The following CFAP77 variants were observed in gnomAD, a reference collection of about 807,000 sequenced individuals.
CFAP77 encodes cilia and flagella associated protein 77, also known as cilia- and flagella-associated protein 77.
A neutral mutation model predicts 31.1 loss-of-function variants in CFAP77; 25 were observed. That is an observed-to-expected ratio of 0.80 (90% CI 0.59 to 1.12). CFAP77 has a LOEUF of 1.12. CFAP77 is among the 50% of genes most tolerant of loss of function. The probability of loss-of-function intolerance (pLI) is 0.00; values close to 1 mark genes in which losing one functional copy is unlikely to be tolerated. For missense variants in CFAP77, 377 were observed against 397.3 expected, an observed-to-expected ratio of 0.95 and a Z score of 0.44; for synonymous variants, 151 against 159.9, an observed-to-expected ratio of 0.94 and a Z score of 0.42.
At chr9:132,413,026 G>A (rs1347751785) in intron 1 of CFAP77, among the ~76,000 whole-genome samples, 1 of 152,030 alleles carries the variant, frequency 6.6e-6, no homozygotes, top group African/African-American at 2.4e-5. Context: ...AGTATATTTT[G>A]GTTTTGTCTA....
intron 1 of CFAP77, among the ~76,000 whole-genome samples, chr9:132,435,520 TC>T (rs147849096): frequency 0.014 from 2,198 of 152,290 alleles, 55 homozygotes; most frequent in African/African-American, 0.051. Flanking sequence ...AGTGAAGGAA[TC>T]TGAATGCTTT....
chr9:132,417,124 T>TC (rs1259595826), intron 1 of CFAP77, among the ~76,000 whole-genome samples: 2 of 151,356 alleles, frequency 1.3e-5, no homozygotes, highest in African/African-American at 4.9e-5. Flanking sequence ...TTTTCTTTTT[T>TC]TTTTTTTTGA....
chr9:132,540,084 C>G (rs1852614321), intron 4 of CFAP77, among the ~76,000 whole-genome samples: 1 of 152,122 alleles, frequency 6.6e-6, no homozygotes, highest in Non-Finnish European at 1.5e-5. Context: ...GCGCCTGCCA[C>G]CAGGCCCAGC....
chr9:132,415,085 ACC>A (rs144264829), intron 1 of CFAP77, among the ~76,000 whole-genome samples: 3,674 of 152,226 alleles, frequency 0.024, 143 homozygotes, highest in African/African-American at 0.084. Flanking sequence ...AAGAGAATAT[ACC>A]CCTGATTGCT....
intron 5 of CFAP77, among the ~76,000 whole-genome samples, chr9:132,567,918 G>A (rs1287193232): frequency 6.6e-6 from 1 of 152,124 alleles, no homozygotes; most frequent in East Asian, 1.9e-4. Context: ...AATAATCTAG[G>A]ATGATTTCAT....
chr9:132,489,660 C>G (rs963292392), intron 1 of CFAP77, among the ~76,000 whole-genome samples: 1 of 152,076 alleles, frequency 6.6e-6, no homozygotes, highest in African/African-American at 2.4e-5. Context: ...CTAAGGGATC[C>G]CTGTGCAGGG....
chr9:132,503,969 G>A (rs1021160555), intron 3 of CFAP77, among the ~76,000 whole-genome samples: 3 of 152,184 alleles, frequency 2.0e-5, no homozygotes, highest in African/African-American at 4.8e-5. Flanking sequence ...AACCTGGGCG[G>A]TGGAGGTTGC....
intron 1 of CFAP77, among the ~76,000 whole-genome samples, chr9:132,451,952 G>A (rs909760896): frequency 6.6e-6 from 1 of 151,782 alleles, no homozygotes; most frequent in African/African-American, 2.4e-5. Context: ...CTACAGGTGT[G>A]TGCCACTATG....
At chr9:132,526,619 A>G (rs1281186596) in intron 3 of CFAP77, among the ~76,000 whole-genome samples, 2 of 147,384 alleles carry the variant, frequency 1.4e-5, no homozygotes, top group Non-Finnish European at 3.0e-5. Context: ...AGACTAATAA[A>G]GAAAAAAAGA....
intron 4 of CFAP77, 67 bp from the exon 5 acceptor site, chr9:132,542,879 C>T: frequency 8.1e-7 from 1 of 1,229,980 alleles, no homozygotes; most frequent in Non-Finnish European, 1.2e-6. Flanking sequence ...GTCTCTATAT[C>T]CCTTCAGCAC....
intron 5 of CFAP77, among the ~76,000 whole-genome samples, chr9:132,557,622 A>G (rs939409025): frequency 6.6e-6 from 1 of 152,132 alleles, no homozygotes; most frequent in Non-Finnish European, 1.5e-5. Context: ...AGTGGCTGGC[A>G]TTATTCTCCC....
chr9:132,433,558 T>A (rs1355218845), intron 1 of CFAP77, among the ~76,000 whole-genome samples: 1 of 151,826 alleles, frequency 6.6e-6, no homozygotes, highest in Non-Finnish European at 1.5e-5. Context: ...TCATTTTTTT[T>A]TTTTTTTGAG....
At chr9:132,479,446 G>A (rs2118899259) in intron 1 of CFAP77, among the ~76,000 whole-genome samples, 1 of 152,324 alleles carries the variant, frequency 6.6e-6, no homozygotes, top group African/African-American at 2.4e-5. Flanking sequence ...GGTGCATGGG[G>A]GAGGGCCTTG....
chr9:132,421,328 T>TG (rs1176126805), intron 1 of CFAP77, among the ~76,000 whole-genome samples: 8 of 144,248 alleles, frequency 5.5e-5, no homozygotes, highest in African/African-American at 1.0e-4. Flanking sequence ...AGCAAGTATG[T>TG]GGGGGGGAAC....
chr9:132,501,831 G>A lies in CFAP77; in HGVS notation c.524+2231G>A, dbSNP rs4962067. 0.078 allele frequency among the ~76,000 whole-genome samples: 11,845 copies of A among 152,264 alleles called. 501 individuals carry two copies. Among genetic ancestry groups the A allele is most frequent in the Middle Eastern group, 0.11 (32 of 294 alleles). ...CCTGGCTGGCCTGGTCTGATGATGC[G>A]CCCTTCCCTGGAGTCAGGGGTGAAA... On this transcript the variant is annotated intron_variant, in intron 3 of 5. Coordinates refer to ENST00000393216, the MANE Select transcript of CFAP77 (RefSeq NM_001282957.2). This position sits in a 1 kb window ranked among gnomAD's most constrained non-coding sequence, Gnocchi z 4.6.
chr9:132,543,018 A>G lies in CFAP77; in HGVS notation c.703A>G (p.Thr235Ala). Residue 235 changes from threonine (T) to alanine (A), a missense_variant, in exon 5 of 6, where the codon ACC becomes GCC. Physicochemically the swap from Thr to Ala is moderately conservative, Grantham distance 58. Transcript: ENST00000393216. ...GTACAAGCCGCCCGTGAAGCTGGAC[A>G]CCCTCTGGCACATGCCTCACTTCCA... ...RKYKPPVKLD[T>A]LWHMPHFQKV... 6.2e-7 allele frequency: 1 copy of G among 1,614,044 alleles called. No homozygotes were observed. Among genetic ancestry groups the G allele is most frequent in the Non-Finnish European group, 8.5e-7 (1 of 1,179,976 alleles).
chr9:132,411,860 TACACACACACACAC>T (rs3079550), intron 1 of CFAP77, among the ~76,000 whole-genome samples: 4 of 149,554 alleles, frequency 2.7e-5, no homozygotes, highest in East Asian at 2.0e-4. Context: ...GAGCAATATG[TACACACACACACAC>T]ACACACACAC....
rs928178614 is a variant in CFAP77 at position 132,539,924 on chromosome 9, T to A, written c.630+2218T>A. ...GGGAGTTTTTTTTGCTGTTTGTTTA[T>A]TTTTGTTTTTGTTTGTTTGTTTTTG... On this transcript the variant is annotated intron_variant, in intron 4 of 5. Transcript: ENST00000393216. The surrounding 1 kb of genome is among the most constrained non-coding windows in gnomAD (Gnocchi z 4.3). Among the ~76,000 whole-genome samples the A allele has an allele frequency of 1.3e-5, 2 of 151,250 alleles. No individual in the cohort carries two copies. The highest frequency in any genetic ancestry group is 4.2e-4 in the South Asian group (2 of 4,792).
At chr9:132,555,317 C>T (rs1589923673) in intron 5 of CFAP77, among the ~76,000 whole-genome samples, 1 of 152,176 alleles carries the variant, frequency 6.6e-6, no homozygotes, top group African/African-American at 2.4e-5. Context: ...CACCAAACCT[C>T]GTTGCAGTAC....
Sources: allele counts gnomAD v4.1 joint callset (sites outside exome capture counted in the v4.1 genomes callset), GRCh38; gene constraint gnomAD v4.1.1; non-coding constraint Gnocchi (gnomAD v3.1); transcripts MANE v1.5; gene names NCBI Gene and HGNC (gene_info 2026-07-23, HGNC 2026-07-21).